The following LUZP2 variants were observed in gnomAD, a reference collection of about 807,000 sequenced individuals.
The protein encoded by LUZP2 is leucine zipper protein 2.
A neutral mutation model predicts 51.6 loss-of-function variants in LUZP2; 52 were observed. The observed-to-expected ratio is 1.01, with a 90% CI of 0.81 to 1.27. The LOEUF is 1.27. Ranked by LOEUF, LUZP2 falls within the 50% of genes most tolerant of loss-of-function variation. The pLI is 0.00. For missense variants in LUZP2, 436 were observed against 395.4 expected (o/e 1.10, Z -0.87); for synonymous variants, 154 against 137.3 (o/e 1.12, Z -0.85).
intron 9 of LUZP2, among the ~76,000 whole-genome samples, chr11:24,991,863 T>C: frequency 6.6e-6 from 1 of 152,018 alleles, no homozygotes; most frequent in Non-Finnish European, 1.5e-5. Flanking sequence ...ATTTGTATGT[T>C]TTCTTTTGGG....
chr11:24,828,483 A>G (rs2716486), intron 5 of LUZP2, among the ~76,000 whole-genome samples: 119,485 of 151,412 alleles, frequency 0.79, 47,473 homozygotes, highest in East Asian at 0.88. Flanking sequence ...ATTAGTGATT[A>G]AGAAAAATCA....
intron 5 of LUZP2, among the ~76,000 whole-genome samples, chr11:24,899,093 G>A (rs968653368): frequency 6.6e-6 from 1 of 152,108 alleles, no homozygotes; most frequent in East Asian, 1.9e-4. Flanking sequence ...ATTTTCATAC[G>A]TTGGATGATT....
rs11028261 is a variant in LUZP2 at position 24,895,847 on chromosome 11, C to A, written c.397-10144C>A. 3.9e-5 allele frequency among the ~76,000 whole-genome samples: 6 copies of A among 152,182 alleles called. No individual in the cohort carries two copies. The East Asian group carries it at 9.7e-4, about 25-fold the overall frequency. ...AAATATTTGTTTTCTTTTTTTGGAT[C>A]TTTGGGCAGTAATGGGATTGCTGAG... On this transcript the variant is annotated intron_variant, in intron 5 of 11. Transcript: ENST00000336930.
At chr11:24,860,001 G>A (rs182248277) in intron 5 of LUZP2, among the ~76,000 whole-genome samples, 137 of 152,306 alleles carry the variant, frequency 9.0e-4, no homozygotes, top group African/African-American at 3.2e-3. Flanking sequence ...TAAGCTCCTG[G>A]GGGAGGGGTA....
At chr11:24,728,445 G>C (rs555237141) in intron 1 of LUZP2, among the ~76,000 whole-genome samples, 3 of 151,934 alleles carry the variant, frequency 2.0e-5, no homozygotes, top group African/African-American at 7.2e-5. Context: ...GTAATCTTTT[G>C]TCTGGACTAT....
intron 10 of LUZP2, among the ~76,000 whole-genome samples, chr11:25,074,134 C>G (rs1412715586): frequency 6.6e-6 from 1 of 152,156 alleles, no homozygotes; most frequent in Non-Finnish European, 1.5e-5. Flanking sequence ...CAACAGTTCT[C>G]TGGAATTTTT....
intron 1 of LUZP2, among the ~76,000 whole-genome samples, chr11:24,503,192 A>C (rs1850053192): frequency 6.6e-6 from 1 of 152,144 alleles, no homozygotes; most frequent in African/African-American, 2.4e-5. Context: ...ATTATCATAA[A>C]CTTTTCACAA....
intron 7 of LUZP2, among the ~76,000 whole-genome samples, chr11:24,920,133 C>T (rs912385896): frequency 1.3e-5 from 2 of 151,850 alleles, no homozygotes; most frequent in Non-Finnish European, 2.9e-5. Flanking sequence ...GTTTACAATA[C>T]TCCCAAGTCA....
chr11:24,531,675 T>C (rs1851004888), intron 1 of LUZP2, among the ~76,000 whole-genome samples: 1 of 150,938 alleles, frequency 6.6e-6, no homozygotes, highest in Non-Finnish European at 1.5e-5. Flanking sequence ...AGTGAGAACA[T>C]GTAGTATTTA....
intron 5 of LUZP2, among the ~76,000 whole-genome samples, chr11:24,823,754 GT>G (rs1433759339): frequency 6.6e-6 from 1 of 152,164 alleles, no homozygotes; most frequent in Non-Finnish European, 1.5e-5. Flanking sequence ...TTTTCACTAA[GT>G]TTGTAGGCTT....
intron 5 of LUZP2, among the ~76,000 whole-genome samples, chr11:24,877,309 T>C (rs565996985): frequency 5.9e-5 from 9 of 152,310 alleles, no homozygotes; most frequent in African/African-American, 2.2e-4. Flanking sequence ...TAAATCATTA[T>C]TCGTGAGAGT....
At chr11:24,667,953 T>G (rs576331337) in intron 1 of LUZP2, among the ~76,000 whole-genome samples, 1 of 152,350 alleles carries the variant, frequency 6.6e-6, no homozygotes, top group Non-Finnish European at 1.5e-5. Context: ...TGGAGTTTAT[T>G]AATTCACTTT....
chr11:24,947,839 G>T (rs1854943066), intron 7 of LUZP2, among the ~76,000 whole-genome samples: 1 of 151,632 alleles, frequency 6.6e-6, no homozygotes, highest in African/African-American at 2.4e-5. Flanking sequence ...GTCTTGGTGT[G>T]GTCTCTTGTC....
intron 1 of LUZP2, among the ~76,000 whole-genome samples, chr11:24,574,974 T>C (rs992247396): frequency 3.9e-5 from 6 of 152,076 alleles, no homozygotes; most frequent in African/African-American, 1.4e-4. Flanking sequence ...TTTAGTCAAT[T>C]TGAGGGGAGA....
intron 1 of LUZP2, among the ~76,000 whole-genome samples, chr11:24,545,240 C>G (rs988633337): frequency 3.4e-5 from 5 of 149,100 alleles, no homozygotes; most frequent in African/African-American, 1.2e-4. Flanking sequence ...TCTGTTTACT[C>G]TCTTGATAGT....
At chr11:24,739,980 G>A (rs1170240395) in intron 4 of LUZP2, among the ~76,000 whole-genome samples, 1 of 152,032 alleles carries the variant, frequency 6.6e-6, no homozygotes, top group Non-Finnish European at 1.5e-5. Flanking sequence ...GTATCAGCTT[G>A]TCGATCCCTC....
At chr11:24,947,533 G>T (rs570821530) in intron 7 of LUZP2, among the ~76,000 whole-genome samples, 11 of 151,844 alleles carry the variant, frequency 7.2e-5, no homozygotes, top group Middle Eastern at 3.4e-3. Flanking sequence ...ACTTTCACTG[G>T]TGCTCTTTTT....
intron 1 of LUZP2, among the ~76,000 whole-genome samples, chr11:24,609,660 G>T (rs1854049673): frequency 6.6e-6 from 1 of 150,794 alleles, no homozygotes; most frequent in Non-Finnish European, 1.5e-5. Context: ...AACCCTGGGG[G>T]CGGAGGTTAC....
At chr11:25,065,838 A>G (rs933412084) in intron 10 of LUZP2, among the ~76,000 whole-genome samples, 10 of 152,160 alleles carry the variant, frequency 6.6e-5, no homozygotes, top group African/African-American at 1.9e-4. Context: ...AAGATTCATT[A>G]TTTTCATGCT....
Sources: gnomAD v4.1 joint callset for allele counts (sites outside exome capture counted in the v4.1 genomes callset) on GRCh38, gnomAD v4.1.1 for gene constraint, MANE v1.5 for transcripts, NCBI Gene and HGNC (gene_info 2026-07-23, HGNC 2026-07-21) for gene names.